Variants in RBFOX1 observed in about 807,000 individuals in gnomAD.
RBFOX1 encodes the protein RNA binding protein fox-1 homolog 1.
RBFOX1 carries 8 observed loss-of-function variants against 57.7 expected under a neutral mutation model. The observed-to-expected ratio is 0.14, with a 90% CI of 0.08 to 0.25. RBFOX1 has a LOEUF of 0.25. Among genes scored for constraint, RBFOX1 ranks in the 10% least tolerant of loss-of-function variants. The pLI, the probability that RBFOX1 is intolerant of heterozygous loss-of-function variation, is 1.00. For synonymous variants in RBFOX1, 326 were observed against 222.4 expected, an observed-to-expected ratio of 1.47 and a Z score of -4.15; for missense variants, 611 against 548.5, an observed-to-expected ratio of 1.11 and a Z score of -1.14.
chr16:5,930,369 G>GATGGATGGATGC (rs950850126), intron 4 of RBFOX1, among the ~76,000 whole-genome samples: 1 of 136,978 alleles, frequency 7.3e-6, no homozygotes, highest in Non-Finnish European at 1.6e-5. Flanking sequence ...TGGGAGGGTG[G>GATGGATGGATGC]ATGGATGGAT....
intron 3 of RBFOX1, among the ~76,000 whole-genome samples, chr16:6,689,521 T>C (rs1159249633): frequency 6.6e-6 from 1 of 152,178 alleles, no homozygotes; most frequent in Non-Finnish European, 1.5e-5. Flanking sequence ...TTTTTATGTT[T>C]ATGCAAGAGA....
At chr16:6,646,974 A>T (rs532225232) in intron 2 of RBFOX1, among the ~76,000 whole-genome samples, 54 of 152,278 alleles carry the variant, frequency 3.5e-4, no homozygotes, top group African/African-American at 1.3e-3. Context: ...ACCTTGTCTT[A>T]GTCAGCCTGG....
At chr16:5,455,804 G>C (rs989240940) in intron 1 of RBFOX1, among the ~76,000 whole-genome samples, 1 of 152,146 alleles carries the variant, frequency 6.6e-6, no homozygotes, top group Non-Finnish European at 1.5e-5. Context: ...AAGGGTGCTT[G>C]GCTAGAGAAC....
chr16:6,224,836 C>T (rs994375510), intron 1 of RBFOX1, among the ~76,000 whole-genome samples: 6 of 151,944 alleles, frequency 3.9e-5, no homozygotes, highest in African/African-American at 9.7e-5. Context: ...GCCTGACCAA[C>T]ATGGGAAACC....
rs137871944 is a variant in RBFOX1 at position 6,900,981 on chromosome 16, G to A, written c.-15-151076G>A. On this transcript the variant is annotated intron_variant, in intron 3 of 15. Transcript: ENST00000550418. ...ATGCCATTTAAGATGTTCCCATAAC[G>A]TTCATTAGAACTAGAAAGACTTCCT... Among the ~76,000 whole-genome samples, 9 of 152,248 alleles carry A rather than the reference G, an allele frequency of 5.9e-5. No individual in the cohort carries two copies. In the East Asian group the frequency reaches 1.4e-3, roughly 23 times the overall value.
At chr16:6,552,769 TATAA>T (rs2097016453) in intron 2 of RBFOX1, among the ~76,000 whole-genome samples, 1 of 152,070 alleles carries the variant, frequency 6.6e-6, no homozygotes, top group Non-Finnish European at 1.5e-5. Context: ...TGTACACACA[TATAA>T]ATACACATAC....
intron 10 of RBFOX1, among the ~76,000 whole-genome samples, chr16:7,615,241 G>A (rs1482318643): frequency 1.3e-5 from 2 of 152,174 alleles, no homozygotes; most frequent in African/African-American, 2.4e-5. Flanking sequence ...GCTGAGGCAG[G>A]AGAATGGCGT....
chr16:5,709,261 G>A (rs549022188), intron 3 of RBFOX1, among the ~76,000 whole-genome samples: 1 of 152,272 alleles, frequency 6.6e-6, no homozygotes, highest in South Asian at 2.1e-4. Flanking sequence ...ATGCCAGGCA[G>A]CAAAGACGAT....
chr16:7,121,337 A>G (rs2067139445), intron 4 of RBFOX1, among the ~76,000 whole-genome samples: 1 of 152,242 alleles, frequency 6.6e-6, no homozygotes. Context: ...TTAATCACAG[A>G]TAATAGAATT....
intron 3 of RBFOX1, among the ~76,000 whole-genome samples, chr16:6,782,268 G>T (rs1217759203): frequency 6.6e-6 from 1 of 152,104 alleles, no homozygotes; most frequent in Admixed American, 6.6e-5. Context: ...GGCTCCCAAA[G>T]TGTTTTGTTT....
chr16:5,976,550 C>T (rs1187867033), intron 4 of RBFOX1, among the ~76,000 whole-genome samples: 4 of 152,236 alleles, frequency 2.6e-5, no homozygotes, highest in South Asian at 2.1e-4. Flanking sequence ...AGGAACATCA[C>T]GGTCTCTATC....
In RBFOX1 at chr16:5,466,737, C is replaced by T. The variant is rs576545673; in HGVS notation, c.220-479C>T. 8.5e-5 allele frequency among the ~76,000 whole-genome samples: 13 copies of T among 152,324 alleles called. No homozygotes were observed. In the South Asian group the frequency reaches 1.9e-3, roughly 22 times the overall value. On this transcript the variant is annotated intron_variant, in intron 1 of 2. Coordinates refer to the RBFOX1 transcript ENST00000585867. ...TCACTCGGTTTGATGGTTCTGGCTG[C>T]TCCAGGCTGCCTCCTAGAGCTTGTC...
rs1292717576 is a variant in RBFOX1, at chr16:5,947,989, AG to A, written c.351+80656del. On this transcript the variant is annotated intron_variant, in intron 4 of 19. Transcript: ENST00000641259. This position sits in a 1 kb window ranked among gnomAD's most constrained non-coding sequence, Gnocchi z 7.2. ...GAATTCCCTTTTGACCGTGGCGCTG[AG>A]GACATATGTTCATACATTTTCATGG... is the stretch of plus-strand genomic sequence containing the variant. Among the ~76,000 whole-genome samples, 5 of 152,220 alleles carry A rather than the reference AG, an allele frequency of 3.3e-5. No individual in the cohort carries two copies. Among genetic ancestry groups the A allele is most frequent in the African/African-American group, 1.2e-4 (5 of 41,462 alleles).
At chr16:5,381,477 T>G (rs2151391814) in intron 1 of RBFOX1, among the ~76,000 whole-genome samples, 1 of 152,230 alleles carries the variant, frequency 6.6e-6, no homozygotes, top group Middle Eastern at 3.4e-3. Context: ...GGGCTCAAGA[T>G]TCTGCATTTC....
intron 1 of RBFOX1, among the ~76,000 whole-genome samples, chr16:6,218,156 G>A (rs930160401): frequency 3.3e-5 from 5 of 152,104 alleles, no homozygotes; most frequent in African/African-American, 1.2e-4. Context: ...ATCATTTGTT[G>A]AGCCCACGTG....
intron 4 of RBFOX1, among the ~76,000 whole-genome samples, chr16:7,244,552 A>T (rs1041650094): frequency 6.6e-6 from 1 of 152,210 alleles, no homozygotes. Context: ...GGTGGCTCTC[A>T]GTTGCAATGC....
chr16:7,427,310 G>C (rs1370938419), intron 4 of RBFOX1, among the ~76,000 whole-genome samples: 1 of 152,182 alleles, frequency 6.6e-6, no homozygotes, highest in African/African-American at 2.4e-5. Flanking sequence ...TGATTCTGTA[G>C]GATGTAGGAC....
intron 2 of RBFOX1, among the ~76,000 whole-genome samples, chr16:5,573,004 G>C (rs1038049510): frequency 3.2e-4 from 49 of 152,136 alleles, no homozygotes; most frequent in African/African-American, 1.2e-3. Context: ...GATGAAGGCT[G>C]CCCCAGCCAC....
chr16:7,278,220 C>G (rs981358784), intron 4 of RBFOX1, among the ~76,000 whole-genome samples: 2 of 152,104 alleles, frequency 1.3e-5, no homozygotes, highest in Non-Finnish European at 2.9e-5. Context: ...ACAAATTAAC[C>G]AGTTGCAAAT....
Sources: gnomAD v4.1 joint callset for allele counts (sites outside exome capture counted in the v4.1 genomes callset) on GRCh38, gnomAD v4.1.1 for gene constraint, Gnocchi (gnomAD v3.1) non-coding constraint, MANE v1.5 for transcripts, NCBI Gene and HGNC (gene_info 2026-07-23, HGNC 2026-07-21) for gene names.